Variants in ZNF558 observed in about 807,000 individuals in gnomAD.
The protein encoded by ZNF558 is zinc finger protein 558.
In ZNF558, 23 loss-of-function variants were observed where a neutral mutation model predicts 37.6. The observed-to-expected ratio is 0.61, with a 90% CI of 0.44 to 0.87. ZNF558 has a LOEUF of 0.87. Among genes scored for constraint, ZNF558 ranks in the 40% least tolerant of loss-of-function variants. ZNF558 has a pLI of 0.00. For synonymous variants in ZNF558, 189 were observed against 174.4 expected (o/e 1.08, Z -0.66); for missense variants, 429 against 483.7 (o/e 0.89, Z 1.06).
rs1555767908 is a variant in ZNF558, at chr19:8,811,445, C to T, written c.1045G>A (p.Glu349Lys). The T allele has an allele frequency of 1.4e-5, 22 of 1,613,902 alleles. No individual in the cohort carries two copies. Among genetic ancestry groups the T allele is most frequent in the Admixed American group, 1.3e-4 (8 of 59,986 alleles). The change falls in exon 10 of 10, where the codon GAG (glutamate) becomes AAG (lysine). Residue 349 changes from glutamate to lysine, a missense_variant. Glu to Lys is a moderately conservative substitution (Grantham distance 56, BLOSUM62 1). Coordinates refer to ENST00000601372, the MANE Select transcript of ZNF558 (RefSeq NM_144693.3). ...AAGGCTTTTCCACAGTCACTGCACTCGTAGGGTTTCTCTCCGGTATGTATT... is the reference window on the plus strand; with the variant it reads ...AAGGCTTTTCCACAGTCACTGCACTTGTAGGGTTTCTCTCCGGTATGTATT... Reference protein sequence around the residue: ...KRIHTGEKPYECSDCGKAFNN... With the variant: ...KRIHTGEKPYKCSDCGKAFNN...
intron 7 of ZNF558, among the ~76,000 whole-genome samples, chr19:8,815,900 G>A (rs1360854933): frequency 6.6e-6 from 1 of 152,112 alleles, no homozygotes; most frequent in African/African-American, 2.4e-5. Context: ...AGGATGTGGA[G>A]AACCAGAGAG....
intron 2 of ZNF558, among the ~76,000 whole-genome samples, chr19:8,828,626 G>A (rs2044283198): frequency 6.6e-6 from 1 of 152,100 alleles, no homozygotes; most frequent in South Asian, 2.1e-4. Flanking sequence ...TTATGATTTT[G>A]CCTGTAGCTT....
chr19:8,822,159 ACCACACCCACCTC>A lies in ZNF558; in HGVS notation c.32-81_32-69del, dbSNP rs1036460362. ...ACACCCACAGATCTGCCCCTGATTG[ACCACACCCACCTC>A]CCACACCCACACGGATGAGGCACCA... On this transcript the variant is annotated intron_variant, in intron 5 of 9. Transcript: ENST00000601372. The surrounding 1 kb of genome is among the most constrained non-coding windows in gnomAD (Gnocchi z 4.4). 1.6e-5 allele frequency: 25 copies of A among 1,588,600 alleles called. No homozygotes were observed. The highest frequency in any genetic ancestry group is 1.8e-5 in the Non-Finnish European group (21 of 1,161,388).
chr19:8,833,552 T>C (rs2044412967), upstream of ZNF558: 1 of 152,242 alleles, frequency 6.6e-6, no homozygotes, highest in South Asian at 2.1e-4. Flanking sequence ...CAAGTCTCTG[T>C]TTTATACACC....
rs533737242 is a variant in ZNF558 at position 8,810,952 on chromosome 19, C to T, written c.*329G>A. On this transcript the variant is annotated 3_prime_UTR_variant, in exon 10 of 10. Transcript: ENST00000601372. The stretch of plus-strand genomic sequence containing the variant: ...CTGAAGGTCCCCTGACAACAACCAA[C>T]ATCAACTTTCCAGGCATGTGAATAA... 77 of 208,252 alleles carry T rather than the reference C, an allele frequency of 3.7e-4. 3 individuals are homozygous for T. The highest frequency in any genetic ancestry group is 1.8e-3 in the African/African-American group (76 of 42,954). 12.9% of individuals were successfully genotyped at this position (208,252 alleles called of 1,614,324 possible). A position where few individuals can be genotyped will look rare whatever the true frequency, so the allele number is the denominator to read the frequency against.
In ZNF558 at chr19:8,824,273, G is replaced by A. The variant is rs2044179613; in HGVS notation, c.-257C>T. ...GGAGAGGCCTATGTGGAGAGGAACT[G>A]AGGCCTCCCACCGACGGCCAGCTCT... On this transcript the variant is annotated 5_prime_UTR_variant, in exon 4 of 10. The change creates a premature stop within an existing upstream ORF in the 5' untranslated region. Transcript: ENST00000601372. The A allele has an allele frequency of 6.6e-6, 1 of 152,174 alleles. No homozygotes were observed. The highest frequency in any genetic ancestry group is 2.4e-5 in the African/African-American group (1 of 41,400). 9.4% of individuals were successfully genotyped at this position (152,174 alleles called of 1,614,324 possible).
chr19:8,822,931 T>C lies in ZNF558; in HGVS notation c.-65-207A>G, dbSNP rs1243804651. 5 of 531,128 alleles carry C rather than the reference T, an allele frequency of 9.4e-6. No individual in the cohort carries two copies. The highest frequency in any genetic ancestry group is 1.7e-5 in the Non-Finnish European group (5 of 293,120). The allele number at this position is 531,128 out of a possible 1,614,324, so 32.9% of individuals were successfully genotyped here. ...CCTCTGTCCCCAACACAACGACCAG[T>C]ACCTCCCTGACCCACCCGCTTTGAG... On this transcript the variant is annotated intron_variant, in intron 4 of 9. Coordinates refer to ENST00000601372, the MANE Select transcript of ZNF558 (RefSeq NM_144693.3). The surrounding 1 kb of genome is among the most constrained non-coding windows in gnomAD (Gnocchi z 4.4).
intron 7 of ZNF558, among the ~76,000 whole-genome samples, chr19:8,815,244 G>A (rs2043904942): frequency 6.6e-6 from 1 of 151,878 alleles, no homozygotes. Context: ...AAGAACTAAA[G>A]GAAACCATGA....
intron 7 of ZNF558, among the ~76,000 whole-genome samples, chr19:8,815,985 A>T (rs1477984306): frequency 6.6e-6 from 1 of 152,168 alleles, no homozygotes; most frequent in Non-Finnish European, 1.5e-5. Flanking sequence ...TGAAAGGCAC[A>T]AATGTACAAA....
At chr19:8,832,471 T>A (rs1179371763), upstream of ZNF558, 1 of 152,608 alleles carries the variant, frequency 6.6e-6, no homozygotes, top group African/African-American at 2.4e-5. Context: ...AGAGGTGTTC[T>A]AGTTTGCTTA....
chr19:8,817,829 A>G lies in ZNF558; in HGVS notation c.247+3351T>C, dbSNP rs561597382. 6.6e-5 allele frequency among the ~76,000 whole-genome samples: 10 copies of G among 152,360 alleles called. No individual in the cohort carries two copies. In the East Asian group the frequency reaches 1.3e-3, roughly 21 times the overall value. ...ATATGTGCCTAATAAGAACTCCAAA[A>G]TGTATGAAGTAAAAACTGGCATAAT... On this transcript the variant is annotated intron_variant, in intron 7 of 9. Transcript: ENST00000601372.
rs1180656715 is a variant in ZNF558 at position 8,817,702 on chromosome 19, G to GA, written c.247+3477dup. On this transcript the variant is annotated intron_variant, in intron 7 of 9. Transcript: ENST00000601372. The stretch of plus-strand genomic sequence containing the variant: ...AAATATGGCCAATAGTGAAAGAATG[G>GA]AAAAAGATATTTCATACAATAAAAA... 2.6e-5 allele frequency among the ~76,000 whole-genome samples: 4 copies of GA among 152,034 alleles called. No homozygotes were observed. In the East Asian group the frequency reaches 7.7e-4, roughly 29 times the overall value.
chr19:8,822,160 C>A lies in ZNF558; in HGVS notation c.32-69G>T, dbSNP rs896943255. 3 of 1,587,778 alleles carry A rather than the reference C, an allele frequency of 1.9e-6. No homozygotes were observed. In the Admixed American group the frequency reaches 5.1e-5, roughly 27 times the overall value. On this transcript the variant is annotated intron_variant, in intron 5 of 9. Coordinates refer to ENST00000601372, the MANE Select transcript of ZNF558 (RefSeq NM_144693.3). The surrounding 1 kb of genome is among the most constrained non-coding windows in gnomAD (Gnocchi z 4.4). ...CACCCACAGATCTGCCCCTGATTGA[C>A]CACACCCACCTCCCACACCCACACG...
intron 6 of ZNF558, chr19:8,821,613 C>T: frequency 1.5e-6 from 2 of 1,342,426 alleles, no homozygotes; most frequent in Non-Finnish European, 1.9e-6. Flanking sequence ...ACTGGGAGCT[C>T]CTGTGATCTT....
chr19:8,825,520 A>C (rs957995185), intron 2 of ZNF558, among the ~76,000 whole-genome samples: 1 of 152,238 alleles, frequency 6.6e-6, no homozygotes, highest in Admixed American at 6.5e-5. Context: ...TTTAAGTGAA[A>C]AAAAAATCAA....
intron 2 of ZNF558, among the ~76,000 whole-genome samples, chr19:8,829,911 A>G (rs918125870): frequency 9.9e-5 from 15 of 152,214 alleles, no homozygotes. Flanking sequence ...AATATGAATC[A>G]CCATACTGTT....
rs1377389581 is a variant in ZNF558 at position 8,810,079 on chromosome 19, TTTCTC to T, written c.*1197_*1201del. 1.3e-5 allele frequency: 2 copies of T among 152,228 alleles called. No homozygotes were observed. Among genetic ancestry groups the T allele is most frequent in the Admixed American group, 1.3e-4 (2 of 15,282 alleles). The allele number at this position is 152,228 out of a possible 1,614,324, so 9.4% of individuals were successfully genotyped here. A position where few individuals can be genotyped will look rare whatever the true frequency, so the allele number is the denominator to read the frequency against. ...CTAACACAGAGGCATCACTGAAGGC[TTTCTC>T]TTCTTCTTTATATTTCAAGTTTCTC... On this transcript the variant is annotated 3_prime_UTR_variant, in exon 10 of 10. Coordinates refer to ENST00000601372, the MANE Select transcript of ZNF558 (RefSeq NM_144693.3).
Position 8,822,798 on chromosome 19 carries a change from ACCCATCCTT to A in ZNF558, c.-65-83_-65-75del, listed in dbSNP as rs1237640516. On this transcript the variant is annotated intron_variant, in intron 4 of 9. Coordinates refer to ENST00000601372, the MANE Select transcript of ZNF558 (RefSeq NM_144693.3). The surrounding 1 kb of genome is among the most constrained non-coding windows in gnomAD (Gnocchi z 4.4). ...GGCTGCTGGGGATGGGCCCTCCTCA[ACCCATCCTT>A]CCCATCCTTCTTCAAATGCAAGTTC... 10 of 1,307,784 alleles carry A rather than the reference ACCCATCCTT, an allele frequency of 7.6e-6. No homozygotes were observed. Among genetic ancestry groups the A allele is most frequent in the Non-Finnish European group, 1.1e-5 (10 of 926,814 alleles). The allele number at this position is 1,307,784 out of a possible 1,614,324, so 81.0% of individuals were successfully genotyped here. A position where few individuals can be genotyped will look rare whatever the true frequency, so the allele number is the denominator to read the frequency against.
intron 7 of ZNF558, among the ~76,000 whole-genome samples, chr19:8,814,935 C>T (rs2145204248): frequency 6.6e-6 from 1 of 152,264 alleles, no homozygotes. Flanking sequence ...TTCTATTTCA[C>T]AACTAACTTT....
Sources: gnomAD v4.1 joint callset for allele counts (sites outside exome capture counted in the v4.1 genomes callset) on GRCh38, gnomAD v4.1.1 for gene constraint, Gnocchi (gnomAD v3.1) non-coding constraint, MANE v1.5 for transcripts, NCBI Gene and HGNC (gene_info 2026-07-23, HGNC 2026-07-21) for gene names.